EHMT1: variants seen among roughly 807,000 people sequenced by gnomAD.
EHMT1 encodes the protein euchromatic histone lysine methyltransferase 1.
In EHMT1, 15 loss-of-function variants were observed where a neutral mutation model predicts 147.2. The ratio of observed to expected loss-of-function variants is 0.10; its 90% CI spans 0.07 to 0.16. The LOEUF (loss-of-function observed/expected upper bound fraction) is 0.16. EHMT1 is among the 10% of genes least tolerant of loss of function. The pLI is 1.00. For missense variants in EHMT1, 1,587 were observed against 1,772.4 expected (o/e 0.90, Z 1.88); for synonymous variants, 795 against 709.6 (o/e 1.12, Z -1.91).
intron 25 of EHMT1, among the ~76,000 whole-genome samples, chr9:137,821,536 T>C (rs1955425177): frequency 6.6e-6 from 1 of 152,094 alleles, no homozygotes; most frequent in Non-Finnish European, 1.5e-5. Context: ...CTCACTGTGT[T>C]GCCCAGGCTC....
chr9:137,643,261 C>T (rs1243732876), intron 1 of EHMT1, among the ~76,000 whole-genome samples: 3 of 150,446 alleles, frequency 2.0e-5, no homozygotes, highest in Admixed American at 6.6e-5. Context: ...TTAGGTCTTT[C>T]AGTGATGAAC....
chr9:137,778,726 C>T (rs1951152152), intron 13 of EHMT1, among the ~76,000 whole-genome samples: 1 of 152,364 alleles, frequency 6.6e-6, no homozygotes, highest in Non-Finnish European at 1.5e-5. Flanking sequence ...CTCTCTCCCC[C>T]ATCCCTTGGT....
chr9:137,733,930 A>G (rs971046738), intron 4 of EHMT1, among the ~76,000 whole-genome samples: 1 of 152,228 alleles, frequency 6.6e-6, no homozygotes, highest in South Asian at 2.1e-4. Context: ...CCCTCCTCAC[A>G]GAGACAGCCT....
chr9:137,747,877 A>ACC (rs1198652637), intron 6 of EHMT1: 57 of 151,336 alleles, frequency 3.8e-4, no homozygotes, highest in Admixed American at 9.2e-4. Flanking sequence ...TGAAGTGCTA[A>ACC]CTCTGTAGGA....
chr9:137,635,554 C>T (rs997831328), intron 1 of EHMT1, among the ~76,000 whole-genome samples: 9 of 150,556 alleles, frequency 6.0e-5, no homozygotes, highest in African/African-American at 2.2e-4. Context: ...GGCGCGGTGG[C>T]TCACGCCTGT....
Position 137,798,982 on chromosome 9 carries a change from C to T in EHMT1, c.2607+68C>T, listed in dbSNP as rs1226025796. Reference sequence around the variant, plus strand: ...GCTACGGAAACTCACTGTTCTGCAGCTCCTGGTCCCACCCCCATTCTCCAT... The same window carrying T: ...GCTACGGAAACTCACTGTTCTGCAGTTCCTGGTCCCACCCCCATTCTCCAT... On this transcript the variant is annotated intron_variant, in intron 17 of 26. Transcript: ENST00000460843. 4.6e-6 allele frequency: 6 copies of T among 1,296,808 alleles called. No individual in the cohort carries two copies. In the African/African-American group the frequency reaches 5.9e-5, roughly 13 times the overall value. The allele number at this position is 1,296,808 out of a possible 1,614,324, so 80.3% of individuals were successfully genotyped here. A position where few individuals can be genotyped will look rare whatever the true frequency, so the allele number is the denominator to read the frequency against.
chr9:137,676,727 G>T (rs975639160), intron 1 of EHMT1, among the ~76,000 whole-genome samples: 1 of 152,172 alleles, frequency 6.6e-6, no homozygotes, highest in African/African-American at 2.4e-5. Context: ...GGAGCCACAG[G>T]GGACTGGAGC....
rs1954673292 is a variant in EHMT1, at chr9:137,813,620, C to G, written c.3180+90C>G. 2.5e-6 allele frequency: 4 copies of G among 1,568,708 alleles called. No individual in the cohort carries two copies. The highest frequency in any genetic ancestry group is 2.3e-5 in the South Asian group (2 of 86,990). On this transcript the variant is annotated intron_variant, in intron 21 of 26. Coordinates refer to ENST00000460843, the MANE Select transcript of EHMT1 (RefSeq NM_024757.5). This position sits in a 1 kb window ranked among gnomAD's most constrained non-coding sequence, Gnocchi z 4.9. Reference sequence around the variant, plus strand: ...CCTGGGGTCCTGGGTTCTCACCACTCAGAGCAGGAGGGCTTATGGGGGGCT... The same window carrying G: ...CCTGGGGTCCTGGGTTCTCACCACTGAGAGCAGGAGGGCTTATGGGGGGCT...
intron 24 of EHMT1, 106 bp downstream of exon 24, chr9:137,817,631 C>T (rs562262967): frequency 1.5e-5 from 21 of 1,395,748 alleles, no homozygotes; most frequent in East Asian, 4.7e-5. Context: ...ACATCCCTGG[C>T]GTACAGCAGC....
intron 23 of EHMT1, 95 bp downstream of exon 23, chr9:137,816,157 T>G (rs1167453678): frequency 1.9e-5 from 21 of 1,093,562 alleles, no homozygotes; most frequent in Non-Finnish European, 2.6e-5. Flanking sequence ...TTAACGTGTT[T>G]GGATGCACGC....
chr9:137,697,347 T>A (rs1943476433), intron 1 of EHMT1, among the ~76,000 whole-genome samples: 1 of 152,178 alleles, frequency 6.6e-6, no homozygotes, highest in South Asian at 2.1e-4. Context: ...TTGACCTCCA[T>A]GTTTCTGTGG....
chr9:137,634,881 T>A (rs1008361012), intron 1 of EHMT1, among the ~76,000 whole-genome samples: 1 of 144,220 alleles, frequency 6.9e-6, no homozygotes, highest in Non-Finnish European at 1.5e-5. Flanking sequence ...TTTTTTTTTT[T>A]TTTTTTTTTT....
chr9:137,730,566 C>T (rs924028274), intron 4 of EHMT1, among the ~76,000 whole-genome samples: 4 of 152,206 alleles, frequency 2.6e-5, no homozygotes, highest in Admixed American at 2.0e-4. Flanking sequence ...GCTAGGATTA[C>T]AGGCGTGGGC....
At chr9:137,826,260 ATC>A (rs1286084529) in intron 25 of EHMT1, among the ~76,000 whole-genome samples, 3 of 152,070 alleles carry the variant, frequency 2.0e-5, no homozygotes, top group African/African-American at 7.2e-5. Context: ...TGTTTCTAGC[ATC>A]TGTTTTGCTG....
chr9:137,822,676 C>T (rs189511209), intron 25 of EHMT1, among the ~76,000 whole-genome samples: 6,218 of 152,138 alleles, frequency 0.041, 188 homozygotes, highest in South Asian at 0.12. Context: ...GGGCGGATCA[C>T]GAGGTCAGTA....
chr9:137,622,410 G>A (rs1033863855), intron 1 of EHMT1, among the ~76,000 whole-genome samples: 1 of 151,950 alleles, frequency 6.6e-6, no homozygotes, highest in East Asian at 1.9e-4. Flanking sequence ...GTGAGCCACC[G>A]CCCCCGGCCG....
rs770342294 is a variant in EHMT1 at position 137,776,812 on chromosome 9, C to A, written c.1986C>A (p.Ala662=). ...TCCCCGGGCAGGAGAAGGGCTCGGC[C>A]CTGGAGGGCAGGGCCGACACCACAA... ...TPVPGQEKGS[A]LEGRADTTTG... The change falls in exon 12 of 27, where the codon GCC becomes GCA. Residue 662 remains alanine (A), a synonymous_variant. Transcript: ENST00000460843. This position sits in a 1 kb window ranked among gnomAD's most constrained non-coding sequence, Gnocchi z 4.4. 5.0e-6 allele frequency: 8 copies of A among 1,613,970 alleles called. No individual in the cohort carries two copies. Among genetic ancestry groups the A allele is most frequent in the Non-Finnish European group, 5.9e-6 (7 of 1,180,014 alleles).
At chr9:137,751,387 C>T (rs958563983) in intron 6 of EHMT1, among the ~76,000 whole-genome samples, 2 of 152,168 alleles carry the variant, frequency 1.3e-5, no homozygotes, top group African/African-American at 4.8e-5. Flanking sequence ...AACTTCTGGC[C>T]TCAAGCAGTC....
At chr9:137,699,187 T>A (rs932783780) in intron 1 of EHMT1, among the ~76,000 whole-genome samples, 1 of 152,238 alleles carries the variant, frequency 6.6e-6, no homozygotes, top group African/African-American at 2.4e-5. Flanking sequence ...TTTAATAATT[T>A]ATACTGTAGG....
Sources: gnomAD v4.1 joint callset for allele counts (sites outside exome capture counted in the v4.1 genomes callset) on GRCh38, gnomAD v4.1.1 for gene constraint, Gnocchi (gnomAD v3.1) non-coding constraint, MANE v1.5 for transcripts, NCBI Gene and HGNC (gene_info 2026-07-23, HGNC 2026-07-21) for gene names.